TIAM1: variants seen among roughly 807,000 people sequenced by gnomAD.
The protein encoded by TIAM1 is TIAM Rac1 associated GEF 1, also known as rho guanine nucleotide exchange factor TIAM1.
A neutral mutation model predicts 163.5 loss-of-function variants in TIAM1; 65 were observed. That is an observed-to-expected ratio of 0.40 (90% CI 0.33 to 0.49). TIAM1 has a LOEUF of 0.49. Among genes scored for constraint, TIAM1 ranks in the 20% least tolerant of loss-of-function variants. The pLI is 0.77. For missense variants in TIAM1, 1,789 were observed against 2,044.7 expected (o/e 0.87, Z 2.41); for synonymous variants, 833 against 810.1 (o/e 1.03, Z -0.48).
chr21:31,127,272 A>G, intron 25 of TIAM1, 120 bp from the exon 26 acceptor site: 1 of 849,982 alleles, frequency 1.2e-6, no homozygotes, highest in Non-Finnish European at 1.9e-6. Context: ...GTATAAGATC[A>G]AAGATATTTT....
intron 2 of TIAM1, among the ~76,000 whole-genome samples, chr21:31,298,824 GAA>G (rs1226457733): frequency 2.1e-4 from 29 of 136,436 alleles, no homozygotes; most frequent in African/African-American, 4.6e-4. Context: ...GAGAGAGAGA[GAA>G]AAACAGATGG....
intron 10 of TIAM1, among the ~76,000 whole-genome samples, chr21:31,210,806 GAAA>G (rs2086846594): frequency 2.0e-5 from 3 of 148,624 alleles, no homozygotes; most frequent in Admixed American, 6.7e-5. Context: ...AAGAAAGAAA[GAAA>G]GAAAGGTCAC....
chr21:31,396,696 T>G (rs990404113), intron 2 of TIAM1, among the ~76,000 whole-genome samples: 6 of 151,774 alleles, frequency 4.0e-5, no homozygotes, highest in African/African-American at 1.4e-4. Context: ...ATGCCTGTAA[T>G]GCCAGCACTT....
chr21:31,393,336 T>C (rs2076999669), intron 2 of TIAM1, among the ~76,000 whole-genome samples: 1 of 152,184 alleles, frequency 6.6e-6, no homozygotes, highest in South Asian at 2.1e-4. Context: ...GCCAGAATTA[T>C]TAAAAATGAA....
At chr21:31,143,418 C>T (rs2082949384) in intron 20 of TIAM1, among the ~76,000 whole-genome samples, 1 of 150,456 alleles carries the variant, frequency 6.6e-6, no homozygotes, top group African/African-American at 2.5e-5. Context: ...ATACCCTCTC[C>T]CCGCAAAAAA....
At chr21:31,250,821 A>G (rs1446078507) in intron 5 of TIAM1, among the ~76,000 whole-genome samples, 1 of 152,246 alleles carries the variant, frequency 6.6e-6, no homozygotes. Context: ...GTGCAACAAT[A>G]CGTACATGTA....
intron 2 of TIAM1, among the ~76,000 whole-genome samples, chr21:31,394,726 TCTCACACA>T (rs1189652408): frequency 3.1e-4 from 25 of 81,564 alleles, no homozygotes; most frequent in Non-Finnish European, 5.7e-4. Context: ...TCTCTCTCTC[TCTCACACA>T]CACACACACA....
At chr21:31,244,278 C>T (rs1314740417) in intron 6 of TIAM1, among the ~76,000 whole-genome samples, 2 of 152,088 alleles carry the variant, frequency 1.3e-5, no homozygotes, top group Non-Finnish European at 2.9e-5. Context: ...TCCTCTATAC[C>T]TTTGTTCTAG....
chr21:31,453,877 T>C (rs2044982770), intron 2 of TIAM1, among the ~76,000 whole-genome samples: 1 of 152,138 alleles, frequency 6.6e-6, no homozygotes, highest in African/African-American at 2.4e-5. Context: ...GAACCTTCTA[T>C]ACGCTCCTTC....
At chr21:31,149,311 G>A (rs2083276443) in intron 19 of TIAM1, among the ~76,000 whole-genome samples, 1 of 152,160 alleles carries the variant, frequency 6.6e-6, no homozygotes, top group African/African-American at 2.4e-5. Context: ...GGGAATATCT[G>A]CATTATATTT....
intron 2 of TIAM1, among the ~76,000 whole-genome samples, chr21:31,449,598 G>C (rs144385574): frequency 0.016 from 2,489 of 151,998 alleles, 62 homozygotes; most frequent in African/African-American, 0.055. Flanking sequence ...GGCTGGTCTC[G>C]AACTCCTGAC....
Position 31,252,021 on chromosome 21 carries a change from C to T in TIAM1, c.1132G>A (p.Ala378Thr). 1 of 1,614,100 alleles carries T rather than the reference C, an allele frequency of 6.2e-7. No homozygotes were observed. Among genetic ancestry groups the T allele is most frequent in the South Asian group, 1.1e-5 (1 of 91,084 alleles). Reference protein sequence around the residue: ...SDSGSSSTGDAARQGVYENFR... With the variant: ...SDSGSSSTGDTARQGVYENFR... The stretch of plus-strand genomic sequence containing the variant: ...TTCTCGTACACCCCCTGACGAGCCG[C>T]ATCCCCGGTGGAGCTGCTGCCGCTG... Residue 378 changes from alanine to threonine, a missense_variant, in exon 5 of 28, where the codon GCG (alanine) becomes ACG (threonine). Physicochemically the swap from Ala to Thr is moderately conservative, Grantham distance 58 (BLOSUM62 0). Around this residue, in one of 5 missense-constraint regions of TIAM1, gnomAD observed 555 missense variants for 564.9 expected, o/e 0.98. Transcript: ENST00000541036.
At chr21:31,299,048 T>C (rs1313485493) in intron 2 of TIAM1, among the ~76,000 whole-genome samples, 1 of 152,116 alleles carries the variant, frequency 6.6e-6, no homozygotes, top group East Asian at 1.9e-4. Flanking sequence ...TCATTAGCAG[T>C]TTCTTCACAC....
intron 2 of TIAM1, among the ~76,000 whole-genome samples, chr21:31,438,102 G>A (rs1399780676): frequency 6.9e-6 from 1 of 145,730 alleles, no homozygotes. Context: ...AACCCCTTAA[G>A]CACAAGACAA....
At chr21:31,550,153 A>T (rs1028447527) in intron 1 of TIAM1, among the ~76,000 whole-genome samples, 7 of 152,176 alleles carry the variant, frequency 4.6e-5, no homozygotes, top group African/African-American at 1.4e-4. Flanking sequence ...TTTAAAAAAA[A>T]AAGATATTCA....
At chr21:31,200,234 G>A (rs2086124898) in intron 12 of TIAM1, among the ~76,000 whole-genome samples, 1 of 152,132 alleles carries the variant, frequency 6.6e-6, no homozygotes, top group South Asian at 2.1e-4. Context: ...CTACTTGGGA[G>A]GCTGAGGCAG....
upstream of TIAM1, among the ~76,000 whole-genome samples, chr21:31,348,210 CA>C (rs1450041694): frequency 4.6e-5 from 7 of 152,170 alleles, no homozygotes; most frequent in Non-Finnish European, 1.0e-4. Flanking sequence ...GATTGCTCTT[CA>C]GGGGTCTCCA....
rs192505435 is a variant in TIAM1, at chr21:31,336,914, T to G, written c.-189+2329A>C. Among the ~76,000 whole-genome samples, 356 of 152,284 alleles carry G rather than the reference T, an allele frequency of 2.3e-3. 5 individuals are homozygous for G. The South Asian group carries it at 0.029, about 12-fold the overall frequency. The stretch of plus-strand genomic sequence containing the variant: ...CAGGAAAGCTGACTCTGGCGGGCTG[T>G]GTGGCCACTCGTTCAGCTAACATTT... On this transcript the variant is annotated intron_variant, in intron 2 of 27. Coordinates refer to ENST00000541036, the MANE Select transcript of TIAM1 (RefSeq NM_001353694.2).
intron 2 of TIAM1, among the ~76,000 whole-genome samples, chr21:31,386,592 G>A (rs779521030): frequency 2.0e-4 from 31 of 152,100 alleles, no homozygotes; most frequent in Non-Finnish European, 3.7e-4. Flanking sequence ...TCTCCCTGAG[G>A]GGACTACTTG....
Sources: allele counts gnomAD v4.1 joint callset (sites outside exome capture counted in the v4.1 genomes callset), GRCh38; gene constraint gnomAD v4.1.1; regional missense constraint gnomAD v4.1.1; transcripts MANE v1.5; gene names NCBI Gene and HGNC (gene_info 2026-07-23, HGNC 2026-07-21).